CACNA1E: variants seen among roughly 807,000 people sequenced by gnomAD.
The protein encoded by CACNA1E is voltage-dependent R-type calcium channel subunit alpha-1E.
In CACNA1E, 40 loss-of-function variants were observed where a neutral mutation model predicts 259.2. That is an observed-to-expected ratio of 0.15 (90% CI 0.12 to 0.20). The LOEUF is 0.20. Ranked by LOEUF, CACNA1E falls within the 10% of genes least tolerant of loss-of-function variation. The pLI is 1.00. For synonymous variants in CACNA1E, 1,104 were observed against 1,138.5 expected (o/e 0.97, Z 0.61); for missense variants, 1,874 against 3,040.1 (o/e 0.62, Z 9.02).
At chr1:181,586,756 C>G (rs1396319870) in intron 6 of CACNA1E, among the ~76,000 whole-genome samples, 3 of 152,172 alleles carry the variant, frequency 2.0e-5, no homozygotes. Flanking sequence ...TTCAAAAACT[C>G]TTATCTATAT....
At chr1:181,557,293 G>A (rs2102869142) in intron 3 of CACNA1E, among the ~76,000 whole-genome samples, 1 of 152,348 alleles carries the variant, frequency 6.6e-6, no homozygotes, top group Middle Eastern at 3.4e-3. Flanking sequence ...GGGATCCATA[G>A]AAAGGGCTGC....
At chr1:181,600,639 T>C (rs1405080211) in intron 6 of CACNA1E, among the ~76,000 whole-genome samples, 9 of 152,046 alleles carry the variant, frequency 5.9e-5, no homozygotes. Context: ...AGCGGTGCCA[T>C]CTACCAAGAT....
chr1:181,657,537 G>A (rs1659304195), intron 7 of CACNA1E, among the ~76,000 whole-genome samples: 2 of 152,178 alleles, frequency 1.3e-5, no homozygotes, highest in African/African-American at 4.8e-5. Context: ...AAAATTATTT[G>A]ACTTTTTAAA....
chr1:181,724,412 C>T (rs1654694324), intron 16 of CACNA1E, 58 bp from the exon 17 acceptor site: 1 of 1,430,230 alleles, frequency 7.0e-7, no homozygotes, highest in Non-Finnish European at 9.8e-7. Flanking sequence ...GGTGGCCTCT[C>T]AGCCTTGCTG....
At chr1:181,417,440 C>T (rs1026467627) in intron 2 of CACNA1E, among the ~76,000 whole-genome samples, 8 of 152,160 alleles carry the variant, frequency 5.3e-5, no homozygotes. Flanking sequence ...CTTATTTTCA[C>T]CCTCAACTTT....
chr1:181,720,909 C>G, intron 15 of CACNA1E, 54 bp downstream of exon 15: 2 of 1,076,096 alleles, frequency 1.9e-6, no homozygotes, highest in Non-Finnish European at 2.8e-6. Flanking sequence ...TTGGACTGCA[C>G]ACTGCAAGAC....
At chr1:181,516,138 C>A (rs943636727) in intron 3 of CACNA1E, among the ~76,000 whole-genome samples, 1 of 152,024 alleles carries the variant, frequency 6.6e-6, no homozygotes, top group African/African-American at 2.4e-5. Context: ...TGGTTATTTA[C>A]CAGGTTGTCA....
At chr1:181,526,672 C>T (rs1667381949) in intron 3 of CACNA1E, among the ~76,000 whole-genome samples, 1 of 152,172 alleles carries the variant, frequency 6.6e-6, no homozygotes, top group Admixed American at 6.5e-5. Flanking sequence ...TAACACAGGA[C>T]AGCCTGGCAA....
intron 3 of CACNA1E, among the ~76,000 whole-genome samples, chr1:181,528,288 G>T (rs1339759125): frequency 6.6e-6 from 1 of 152,138 alleles, no homozygotes; most frequent in East Asian, 1.9e-4. Flanking sequence ...CTGCTGCCAT[G>T]TAAGAAGTAT....
At chr1:181,579,327 T>C in intron 5 of CACNA1E, 103 bp downstream of exon 5, 1 of 919,910 alleles carries the variant, frequency 1.1e-6, no homozygotes, top group Non-Finnish European at 1.6e-6. Flanking sequence ...TGTCCTATTC[T>C]GACCCTGGAA....
chr1:181,373,134 G>A (rs973240932), intron 1 of CACNA1E, among the ~76,000 whole-genome samples: 5 of 152,126 alleles, frequency 3.3e-5, no homozygotes, highest in Non-Finnish European at 7.3e-5. Flanking sequence ...TTTGGTATCA[G>A]AATGATGCTG....
chr1:181,729,149 T>G (rs1655218400), intron 18 of CACNA1E, among the ~76,000 whole-genome samples: 1 of 146,872 alleles, frequency 6.8e-6, no homozygotes, highest in Non-Finnish European at 1.5e-5. Context: ...CCTGCACAGA[T>G]GTGTGAACAT....
At chr1:181,508,691 G>A (rs979390281) in intron 1 of CACNA1E, among the ~76,000 whole-genome samples, 1 of 152,160 alleles carries the variant, frequency 6.6e-6, no homozygotes, top group Non-Finnish European at 1.5e-5. Flanking sequence ...GTATGTTGGG[G>A]GCCAGTCCTT....
chr1:181,686,028 C>T (rs1477206288), intron 7 of CACNA1E, among the ~76,000 whole-genome samples: 2 of 151,966 alleles, frequency 1.3e-5, no homozygotes, highest in African/African-American at 2.4e-5. Flanking sequence ...CACCCCCACC[C>T]GCCCCCACTC....
At chr1:181,578,417 T>G (rs1244593605) in intron 4 of CACNA1E, among the ~76,000 whole-genome samples, 1 of 151,908 alleles carries the variant, frequency 6.6e-6, no homozygotes, top group Non-Finnish European at 1.5e-5. Context: ...GTAAAAAAAA[T>G]GTAGCTGAGC....
At chr1:181,614,799 A>G (rs1655060634) in intron 6 of CACNA1E, among the ~76,000 whole-genome samples, 1 of 152,204 alleles carries the variant, frequency 6.6e-6, no homozygotes, top group Non-Finnish European at 1.5e-5. Context: ...ATATCTACAT[A>G]TATTTTGTGC....
At chr1:181,322,986 T>A (rs780842534) in intron 1 of CACNA1E, among the ~76,000 whole-genome samples, 1 of 152,118 alleles carries the variant, frequency 6.6e-6, no homozygotes, top group Non-Finnish European at 1.5e-5. Flanking sequence ...CCCTGTGAGT[T>A]TTCATATAAT....
chr1:181,524,073 C>CCCACCA (rs1160069056), intron 3 of CACNA1E, among the ~76,000 whole-genome samples: 1 of 152,154 alleles, frequency 6.6e-6, no homozygotes, highest in Non-Finnish European at 1.5e-5. Flanking sequence ...CCAGTGAGGC[C>CCCACCA]CCACCACCCC....
At chr1:181,752,300 T>A in intron 27 of CACNA1E, 61 bp downstream of exon 27, 1 of 1,221,218 alleles carries the variant, frequency 8.2e-7, no homozygotes, top group Non-Finnish European at 1.2e-6. Flanking sequence ...TCTTTAGCCA[T>A]GGCTGGCCTG....
Sources: allele counts gnomAD v4.1 joint callset (sites outside exome capture counted in the v4.1 genomes callset), GRCh38; gene constraint gnomAD v4.1.1; transcripts MANE v1.5; gene names NCBI Gene and HGNC (gene_info 2026-07-23, HGNC 2026-07-21).